The following SLC25A13 variants were observed in gnomAD, a reference collection of about 807,000 sequenced individuals.
SLC25A13 encodes electrogenic aspartate/glutamate antiporter SLC25A13, mitochondrial.
A neutral mutation model predicts 85.5 loss-of-function variants in SLC25A13; 70 were observed. That is an observed-to-expected ratio of 0.82 (90% CI 0.68 to 1.00). The LOEUF (loss-of-function observed/expected upper bound fraction) is 1.00, where lower values mean the gene tolerates loss of function less well. Ranked by LOEUF, SLC25A13 falls within the 50% of genes least tolerant of loss-of-function variation. The probability of loss-of-function intolerance (pLI) is 0.00; values close to 1 mark genes in which losing one functional copy is unlikely to be tolerated. For missense variants in SLC25A13, 765 were observed against 819.8 expected, an observed-to-expected ratio of 0.93 and a Z score of 0.82; for synonymous variants, 259 against 288.7, an observed-to-expected ratio of 0.90 and a Z score of 1.04.
chr7:96,133,837 G>A (rs557675784), intron 14 of SLC25A13, among the ~76,000 whole-genome samples: 1 of 151,924 alleles, frequency 6.6e-6, no homozygotes, highest in African/African-American at 2.4e-5. Flanking sequence ...CAGAAGAATC[G>A]CTTGAACCCG....
At position 96,277,415 on chromosome 7, in the gene SLC25A13, A is replaced by G. The variant is rs112869758; in HGVS notation, c.70-77T>C. On this transcript the variant is annotated intron_variant, in intron 2 of 17. Coordinates refer to ENST00000265631, the MANE Select transcript of SLC25A13 (RefSeq NM_014251.3). Reference sequence around the variant, plus strand: ...TATAATCATGAGAGTGATATGTGAAAAAGTTGAAAATATCCAAACGATAAA... The same window carrying G: ...TATAATCATGAGAGTGATATGTGAAGAAGTTGAAAATATCCAAACGATAAA... The G allele has an allele frequency of 5.1e-6, 7 of 1,375,426 alleles. No individual in the cohort carries two copies. In the Admixed American group the frequency reaches 1.1e-4, roughly 22 times the overall value. The allele number at this position is 1,375,426 out of a possible 1,614,324, so 85.2% of individuals were successfully genotyped here. A position where few individuals can be genotyped will look rare whatever the true frequency, so the allele number is the denominator to read the frequency against.
intron 4 of SLC25A13, among the ~76,000 whole-genome samples, chr7:96,214,855 A>C (rs908571656): frequency 6.6e-6 from 1 of 152,214 alleles, no homozygotes; most frequent in Non-Finnish European, 1.5e-5. Context: ...ACAAAACAGC[A>C]TTGAAAGAAA....
At chr7:96,307,645 T>C (rs981406456) in intron 1 of SLC25A13, among the ~76,000 whole-genome samples, 1 of 151,924 alleles carries the variant, frequency 6.6e-6, no homozygotes, top group Non-Finnish European at 1.5e-5. Flanking sequence ...AGGACATAAA[T>C]TGATGATTAC....
intron 13 of SLC25A13, among the ~76,000 whole-genome samples, chr7:96,157,373 T>G (rs1334416794): frequency 1.3e-5 from 2 of 152,206 alleles, no homozygotes; most frequent in Non-Finnish European, 2.9e-5. Context: ...GTCTACATGC[T>G]TCTATAAGCT....
Position 96,149,594 on chromosome 7 carries a change from T to C in SLC25A13, c.1312-2898A>G, listed in dbSNP as rs117984965. Among the ~76,000 whole-genome samples the C allele has an allele frequency of 1.1e-4, 16 of 152,300 alleles. No individual in the cohort carries two copies. In the East Asian group the frequency reaches 2.3e-3, roughly 22 times the overall value. On this transcript the variant is annotated intron_variant, in intron 13 of 17. Coordinates refer to ENST00000265631, the MANE Select transcript of SLC25A13 (RefSeq NM_014251.3). ...TCAAGAAAACATAATGATGTACCCA[T>C]TATCTGTGGTGGCCTCTGAAAGAAA...
At chr7:96,241,335 A>G (rs1007391145) in intron 3 of SLC25A13, among the ~76,000 whole-genome samples, 2 of 152,246 alleles carry the variant, frequency 1.3e-5, no homozygotes, top group African/African-American at 4.8e-5. Flanking sequence ...AAATGCGTGC[A>G]AACTTTAATC....
chr7:96,173,351 A>T (rs1022785288), intron 11 of SLC25A13, among the ~76,000 whole-genome samples: 4 of 152,208 alleles, frequency 2.6e-5, no homozygotes, highest in African/African-American at 9.6e-5. Context: ...CAAGGCATAG[A>T]GAGATAAAGT....
intron 13 of SLC25A13, among the ~76,000 whole-genome samples, chr7:96,165,855 T>C (rs976512023): frequency 6.6e-6 from 1 of 152,230 alleles, no homozygotes; most frequent in Non-Finnish European, 1.5e-5. Context: ...GTCTGTATTG[T>C]TGTGTTTTTC....
intron 3 of SLC25A13, among the ~76,000 whole-genome samples, chr7:96,276,618 G>A (rs1798459967): frequency 6.6e-6 from 1 of 152,086 alleles, no homozygotes; most frequent in South Asian, 2.1e-4. Flanking sequence ...GTGAGAACCT[G>A]CCTCAAAAGA....
chr7:96,314,489 T>A (rs1316838933), intron 1 of SLC25A13, among the ~76,000 whole-genome samples: 1 of 152,106 alleles, frequency 6.6e-6, no homozygotes, highest in African/African-American at 2.4e-5. Flanking sequence ...ATCCCCCTCC[T>A]TACCTCCAAG....
At chr7:96,300,188 T>C (rs1799500733) in intron 1 of SLC25A13, among the ~76,000 whole-genome samples, 1 of 151,940 alleles carries the variant, frequency 6.6e-6, no homozygotes. Flanking sequence ...GGTGGGAGGA[T>C]CACTTGAGCC....
chr7:96,177,697 G>A (rs1794277188), intron 11 of SLC25A13, among the ~76,000 whole-genome samples: 1 of 152,154 alleles, frequency 6.6e-6, no homozygotes, highest in Non-Finnish European at 1.5e-5. Context: ...GATTTTTGTT[G>A]TTGTTGTTGA....
chr7:96,313,154 G>A (rs895033571), intron 1 of SLC25A13, among the ~76,000 whole-genome samples: 4 of 152,200 alleles, frequency 2.6e-5, no homozygotes, highest in Non-Finnish European at 5.9e-5. Context: ...TAAAAGTGCA[G>A]GGCTAGAGCT....
intron 3 of SLC25A13, among the ~76,000 whole-genome samples, chr7:96,240,456 G>A (rs1462131518): frequency 6.6e-6 from 1 of 152,180 alleles, no homozygotes; most frequent in Non-Finnish European, 1.5e-5. Context: ...CAGTTCTAGG[G>A]ACGCAATCTC....
At chr7:96,155,783 G>A (rs1016971402) in intron 13 of SLC25A13, among the ~76,000 whole-genome samples, 1 of 152,198 alleles carries the variant, frequency 6.6e-6, no homozygotes, top group African/African-American at 2.4e-5. Flanking sequence ...TGATGTAGGA[G>A]GCACTGTGCT....
At chr7:96,181,345 A>G (rs1271471791) in intron 11 of SLC25A13, among the ~76,000 whole-genome samples, 1 of 152,272 alleles carries the variant, frequency 6.6e-6, no homozygotes, top group African/African-American at 2.4e-5. Context: ...GCACTCTCTC[A>G]TGACTACCAA....
At chr7:96,200,857 C>A (rs1427754325) in intron 5 of SLC25A13, among the ~76,000 whole-genome samples, 2 of 152,166 alleles carry the variant, frequency 1.3e-5, no homozygotes, top group Non-Finnish European at 2.9e-5. Context: ...AAGCTAACAC[C>A]ACAAACACAA....
chr7:96,198,607 C>A (rs984536703), intron 5 of SLC25A13, among the ~76,000 whole-genome samples: 2 of 152,180 alleles, frequency 1.3e-5, no homozygotes, highest in Non-Finnish European at 2.9e-5. Context: ...CCTAAAGTCA[C>A]ACAACTAAAA....
intron 17 of SLC25A13, 43 bp downstream of exon 17, chr7:96,121,612 A>G (rs373265576): frequency 6.3e-7 from 1 of 1,587,010 alleles, no homozygotes; most frequent in African/African-American, 1.3e-5. Context: ...ACAGAGCATT[A>G]GCAGCAGCCA....
Sources: gnomAD v4.1 joint callset for allele counts (sites outside exome capture counted in the v4.1 genomes callset) on GRCh38, gnomAD v4.1.1 for gene constraint, MANE v1.5 for transcripts, NCBI Gene and HGNC (gene_info 2026-07-23, HGNC 2026-07-21) for gene names.